Variants in BCO2 observed in about 807,000 individuals in gnomAD.
BCO2 encodes carotenoid-cleaving dioxygenase, mitochondrial.
Under a neutral mutation model 65.8 loss-of-function variants are expected in BCO2, and 56 were observed. The observed-to-expected ratio is 0.85, with a 90% CI of 0.69 to 1.06. The LOEUF is 1.06. BCO2 is among the 50% of genes least tolerant of loss of function. The pLI, the probability that BCO2 is intolerant of heterozygous loss-of-function variation, is 0.00. For synonymous variants in BCO2, 233 were observed against 242.3 expected (o/e 0.96, Z 0.36); for missense variants, 675 against 698.5 (o/e 0.97, Z 0.38).
intron 1 of BCO2, among the ~76,000 whole-genome samples, chr11:112,177,571 C>T (rs1022100028): frequency 6.6e-6 from 1 of 152,098 alleles, no homozygotes; most frequent in Non-Finnish European, 1.5e-5. Context: ...AGATATTACA[C>T]CTTATTGGAC....
At chr11:112,205,405 A>G (rs1413920469) in intron 8 of BCO2, among the ~76,000 whole-genome samples, 6 of 152,148 alleles carry the variant, frequency 3.9e-5, no homozygotes, top group Non-Finnish European at 8.8e-5. Flanking sequence ...ATGGTTAGTG[A>G]TGTTGAGCAC....
In BCO2 at chr11:112,216,349, C is replaced by T; in HGVS notation, c.1626+19C>T. 1 of 1,567,860 alleles carries T rather than the reference C, an allele frequency of 6.4e-7. No individual in the cohort carries two copies. The highest frequency in any genetic ancestry group is 1.1e-5 in the South Asian group (1 of 90,014). On this transcript the variant is annotated intron_variant, in intron 11 of 11. Coordinates refer to ENST00000357685, the MANE Select transcript of BCO2 (RefSeq NM_031938.7). ...CAACCAGGTAAATATATTTCCCTAT[C>T]ACCAGTCAGAAAGAAAAGTAGCACT... is the stretch of plus-strand genomic sequence containing the variant.
chr11:112,209,416 TG>T (rs545120166), intron 8 of BCO2, among the ~76,000 whole-genome samples: 2 of 152,256 alleles, frequency 1.3e-5, no homozygotes, highest in South Asian at 4.1e-4. Flanking sequence ...GTGTCTTTTG[TG>T]GCTTGAGAAC....
chr11:112,199,926 C>A, intron 6 of BCO2, 99 bp downstream of exon 6: 2 of 1,393,738 alleles, frequency 1.4e-6, no homozygotes, highest in South Asian at 1.3e-5. Flanking sequence ...GTTTATCACG[C>A]TATGGTGATA....
At chr11:112,194,073 A>G (rs1592848047) in intron 4 of BCO2, 79 bp downstream of exon 4, 3 of 839,726 alleles carry the variant, frequency 3.6e-6, no homozygotes, top group East Asian at 2.5e-5. Flanking sequence ...AGAGTAGTAT[A>G]TATCAAGAAG....
chr11:112,214,858 A>T lies in BCO2; in HGVS notation c.1429A>T (p.Lys477Ter), dbSNP rs1592869221. Residue 477 changes from lysine (K) to a stop codon, truncating the protein, a stop_gained, in exon 10 of 12, where the codon AAG (lysine) becomes TAG (stop). Coordinates refer to ENST00000357685, the MANE Select transcript of BCO2 (RefSeq NM_031938.7). LOFTEE classifies it high-confidence loss of function. ...CTACTATGATCGATTCAGTGGCAAA[A>T]AGTATCATTTCTTTTATGGCTGTGG... is the stretch of plus-strand genomic sequence containing the variant. Reference protein sequence around the residue: ...QIYYDRFSGKKYHFFYGCGFR... With the variant: ...QIYYDRFSGK The T allele has an allele frequency of 1.2e-6, 2 of 1,614,160 alleles. No homozygotes were observed. Among genetic ancestry groups the T allele is most frequent in the Middle Eastern group, 1.6e-4 (1 of 6,062 alleles).
chr11:112,199,859 G>C (rs746913282), intron 6 of BCO2, 32 bp downstream of exon 6: 7 of 1,610,000 alleles, frequency 4.3e-6, no homozygotes, highest in Non-Finnish European at 5.9e-6. Flanking sequence ...ATTTCAGTGG[G>C]CTCTGCCTTG....
At chr11:112,181,053 A>T in intron 2 of BCO2, 1 of 1,479,648 alleles carries the variant, frequency 6.8e-7, no homozygotes, top group Non-Finnish European at 9.4e-7. Context: ...CTGACATTAA[A>T]TGTTGGAGGG....
intron 8 of BCO2, among the ~76,000 whole-genome samples, chr11:112,211,352 A>ACACACACACT (rs147391427): frequency 0.017 from 2,563 of 148,972 alleles, 100 homozygotes; most frequent in African/African-American, 0.039. Flanking sequence ...ACACACACAC[A>ACACACACACT]ATATTTGTTT....
rs1349258106 is a variant in BCO2, at chr11:112,202,092, G to C, written c.1096G>C (p.Gly366Arg). ...FHQINAFEDQ[G>R]CVIIDLCCQD... ...TCAAATCAATGCCTTTGAGGACCAG[G>C]GCTGTGTTATAATTGATTTGTGCTG... The change falls in exon 8 of 12, where the codon GGC becomes CGC. Residue 366 changes from glycine to arginine, a missense_variant. Transcript: ENST00000357685. The C allele has an allele frequency of 6.2e-7, 1 of 1,613,876 alleles. No homozygotes were observed. Among genetic ancestry groups the C allele is most frequent in the Non-Finnish European group, 8.5e-7 (1 of 1,179,882 alleles).
At chr11:112,183,287 C>G (rs1423979395) in intron 2 of BCO2, 19 of 663,380 alleles carry the variant, frequency 2.9e-5, no homozygotes, top group South Asian at 2.7e-4. Flanking sequence ...AGAAATAACA[C>G]TATAAGGAAA....
intron 9 of BCO2, 21 bp from the exon 10 acceptor site, chr11:112,214,741 T>C: frequency 6.2e-7 from 1 of 1,602,118 alleles, no homozygotes; most frequent in Middle Eastern, 1.7e-4. Flanking sequence ...CCACTACAAA[T>C]CCTTTTGAAA....
At chr11:112,214,975 T>C in intron 10 of BCO2, 31 bp downstream of exon 10, 1 of 1,596,660 alleles carries the variant, frequency 6.3e-7, no homozygotes, top group East Asian at 2.2e-5. Context: ...TTTTGAACTT[T>C]TCAGAGACCT....
At chr11:112,193,434 G>C (rs1385476257) in intron 2 of BCO2, 40 bp from the exon 3 acceptor site, 7 of 1,551,960 alleles carry the variant, frequency 4.5e-6, no homozygotes, top group Non-Finnish European at 6.2e-6. Context: ...TTTATCTCAT[G>C]TTTTCTTACT....
intron 1 of BCO2, 30 bp from the exon 2 acceptor site, chr11:112,179,248 T>C (rs374952933): frequency 1.9e-6 from 3 of 1,595,032 alleles, no homozygotes; most frequent in Non-Finnish European, 2.6e-6. Context: ...TGGTAAAATA[T>C]TTTTTGTGCT....
At chr11:112,215,972 T>C (rs1859665387) in intron 10 of BCO2, 3 of 428,556 alleles carry the variant, frequency 7.0e-6, no homozygotes, top group East Asian at 3.9e-5. Context: ...GACGAACTAA[T>C]AGAGCGAGAG....
chr11:112,175,822 C>T, intron 1 of BCO2, 133 bp downstream of exon 1: 1 of 696,574 alleles, frequency 1.4e-6, no homozygotes, highest in South Asian at 1.7e-5. Flanking sequence ...GATGAGATAG[C>T]AATTCCGCAG....
At chr11:112,214,231 C>T (rs1859593234) in intron 9 of BCO2, among the ~76,000 whole-genome samples, 1 of 152,176 alleles carries the variant, frequency 6.6e-6, no homozygotes, top group Non-Finnish European at 1.5e-5. Flanking sequence ...ACTGCAGCCT[C>T]TGCCTCCTGG....
At chr11:112,202,000 A>G (rs557518512) in intron 7 of BCO2, 23 bp from the exon 8 acceptor site, 7 of 1,527,326 alleles carry the variant, frequency 4.6e-6, no homozygotes, top group African/African-American at 1.4e-5. Flanking sequence ...AATTTTTTTC[A>G]TTGTTTGTGT....
Sources: gnomAD v4.1 joint callset for allele counts (sites outside exome capture counted in the v4.1 genomes callset) on GRCh38, gnomAD v4.1.1 for gene constraint, MANE v1.5 for transcripts, NCBI Gene and HGNC (gene_info 2026-07-23, HGNC 2026-07-21) for gene names.